NR3C2: variants seen among roughly 807,000 people sequenced by gnomAD.
The protein encoded by NR3C2 is mineralocorticoid receptor.
A neutral mutation model predicts 86.4 loss-of-function variants in NR3C2; 15 were observed. The ratio of observed to expected loss-of-function variants is 0.17; its 90% CI spans 0.12 to 0.27. The LOEUF is 0.27. NR3C2 is among the 10% of genes least tolerant of loss of function. The pLI, the probability that NR3C2 is intolerant of heterozygous loss-of-function variation, is 1.00. For synonymous variants in NR3C2, 458 were observed against 450.5 expected, an observed-to-expected ratio of 1.02 and a Z score of -0.21; for missense variants, 960 against 1,195.6, an observed-to-expected ratio of 0.80 and a Z score of 2.91.
chr4:148,135,143 G>A (rs2149746833), intron 6 of NR3C2, among the ~76,000 whole-genome samples: 1 of 152,254 alleles, frequency 6.6e-6, no homozygotes, highest in South Asian at 2.1e-4. Flanking sequence ...ACAAGGAAAA[G>A]GAACAGCAGT....
chr4:148,174,757 G>T (rs1344679730), intron 4 of NR3C2, among the ~76,000 whole-genome samples: 1 of 152,080 alleles, frequency 6.6e-6, no homozygotes, highest in African/African-American at 2.4e-5. Flanking sequence ...CCATGCCAGG[G>T]TCCCTCCTTC....
At chr4:148,342,169 C>G (rs1744778799) in intron 2 of NR3C2, among the ~76,000 whole-genome samples, 1 of 152,042 alleles carries the variant, frequency 6.6e-6, no homozygotes, top group Non-Finnish European at 1.5e-5. Context: ...AACGTCAGAG[C>G]CTGAGACCTT....
chr4:148,308,946 G>A (rs1742773623), intron 2 of NR3C2, among the ~76,000 whole-genome samples: 2 of 152,052 alleles, frequency 1.3e-5, no homozygotes, highest in African/African-American at 4.8e-5. Context: ...TCATGCCACT[G>A]CACTCCAGCC....
At chr4:148,232,697 G>A (rs1452281575) in intron 3 of NR3C2, among the ~76,000 whole-genome samples, 1 of 152,156 alleles carries the variant, frequency 6.6e-6, no homozygotes, top group Non-Finnish European at 1.5e-5. Flanking sequence ...AAAGTCATAG[G>A]TGGCATCTAT....
chr4:148,445,105 C>A, upstream of NR3C2: 1 of 605,642 alleles, frequency 1.7e-6, no homozygotes. Context: ...CCTCCCACTA[C>A]GGCCACTGAC....
At chr4:148,437,976 T>TAAGCTTTA (rs1419520706) in intron 1 of NR3C2, among the ~76,000 whole-genome samples, 1 of 152,234 alleles carries the variant, frequency 6.6e-6, no homozygotes, top group Non-Finnish European at 1.5e-5. Flanking sequence ...TTTAATGCAG[T>TAAGCTTTA]ATTGCAAGCT....
At chr4:148,170,549 T>C (rs1450616274) in intron 4 of NR3C2, among the ~76,000 whole-genome samples, 2 of 151,950 alleles carry the variant, frequency 1.3e-5, no homozygotes, top group African/African-American at 2.4e-5. Context: ...CTGCAACAAA[T>C]AGGCCTAGGC....
intron 2 of NR3C2, among the ~76,000 whole-genome samples, chr4:148,382,073 A>C (rs1747024164): frequency 1.3e-5 from 2 of 152,162 alleles, no homozygotes; most frequent in African/African-American, 4.8e-5. Flanking sequence ...ACGTAAAAGA[A>C]GCTTGATTCT....
intron 8 of NR3C2, among the ~76,000 whole-genome samples, chr4:148,087,849 A>C (rs1461730937): frequency 1.3e-5 from 2 of 152,248 alleles, no homozygotes; most frequent in South Asian, 2.1e-4. Flanking sequence ...CAATGGCAAC[A>C]ACAGCCAAAA....
At position 148,154,901 on chromosome 4, in the gene NR3C2, G is replaced by A. The variant is rs1216225154; in HGVS notation, c.2015C>T (p.Ala672Val). 1 of 1,553,644 alleles carries A rather than the reference G, an allele frequency of 6.4e-7. No homozygotes were observed. Among genetic ancestry groups the A allele is most frequent in the Non-Finnish European group, 8.7e-7 (1 of 1,148,470 alleles). Residue 672 changes from alanine to valine, a missense_variant and splice_region_variant, in exon 5 of 9, where the codon GCA becomes GTA. By Grantham distance (64) the Ala-to-Val change is moderately conservative. Coordinates refer to ENST00000358102, the MANE Select transcript of NR3C2 (RefSeq NM_000901.5). The part of the protein sequence containing the change: ...KCLQAGMNLG[A>V]RKSKKLGKLK... ...CTTTCCCAACTTCTTTGACTTTCGTGCTATAAGAAACCATAAATGATAAGG... is the reference window on the plus strand; with the variant it reads ...CTTTCCCAACTTCTTTGACTTTCGTACTATAAGAAACCATAAATGATAAGG...
chr4:148,343,609 A>G (rs1397444211), intron 2 of NR3C2, among the ~76,000 whole-genome samples: 1 of 152,104 alleles, frequency 6.6e-6, no homozygotes, highest in Non-Finnish European at 1.5e-5. Flanking sequence ...TGTGATTTGC[A>G]GACAATTCAA....
At chr4:148,342,361 T>C (rs1338183546) in intron 2 of NR3C2, among the ~76,000 whole-genome samples, 1 of 152,130 alleles carries the variant, frequency 6.6e-6, no homozygotes, top group East Asian at 1.9e-4. Flanking sequence ...CAGATCTCTG[T>C]TTAATTCAAC....
chr4:148,346,096 G>C (rs11723538), intron 2 of NR3C2, among the ~76,000 whole-genome samples: 3 of 151,956 alleles, frequency 2.0e-5, no homozygotes. Context: ...GAAATGGAGA[G>C]AGGGGAGGGT....
intron 4 of NR3C2, among the ~76,000 whole-genome samples, chr4:148,178,958 CAACAA>C (rs1406090916): frequency 3.0e-5 from 4 of 131,224 alleles, no homozygotes; most frequent in Non-Finnish European, 5.0e-5. Context: ...CAAAAAAAAA[CAACAA>C]AACAAAACAA....
chr4:148,223,630 AAG>A (rs565461592), intron 3 of NR3C2, among the ~76,000 whole-genome samples: 134 of 152,346 alleles, frequency 8.8e-4, no homozygotes, highest in Non-Finnish European at 1.4e-3. Flanking sequence ...AGGGATACAG[AAG>A]AGTCTGTCAA....
At chr4:148,303,643 C>A (rs1341926143) in intron 2 of NR3C2, among the ~76,000 whole-genome samples, 1 of 152,062 alleles carries the variant, frequency 6.6e-6, no homozygotes, top group East Asian at 1.9e-4. Context: ...AAACTCCATT[C>A]CAAGCTTCAC....
At chr4:148,284,188 G>GT (rs1159437864) in intron 2 of NR3C2, among the ~76,000 whole-genome samples, 2 of 152,240 alleles carry the variant, frequency 1.3e-5, no homozygotes, top group East Asian at 3.9e-4. Context: ...ACTCTTTAGA[G>GT]TAGAGCCTTA....
chr4:148,351,986 G>C (rs2149993569), intron 2 of NR3C2, among the ~76,000 whole-genome samples: 1 of 152,158 alleles, frequency 6.6e-6, no homozygotes, highest in African/African-American at 2.4e-5. Flanking sequence ...ATTAATGTGT[G>C]GTTGAAAAAT....
At chr4:148,235,696 T>C (rs1031500987) in intron 3 of NR3C2, among the ~76,000 whole-genome samples, 3 of 148,664 alleles carry the variant, frequency 2.0e-5, no homozygotes, top group Non-Finnish European at 4.5e-5. Context: ...GAAACAATAA[T>C]TTAATTTTAA....
Sources: gnomAD v4.1 joint callset for allele counts (sites outside exome capture counted in the v4.1 genomes callset) on GRCh38, gnomAD v4.1.1 for gene constraint, MANE v1.5 for transcripts, NCBI Gene and HGNC (gene_info 2026-07-23, HGNC 2026-07-21) for gene names.